The following RBFOX1 variants were observed in gnomAD, a reference collection of about 807,000 sequenced individuals.
RBFOX1 encodes RNA binding protein fox-1 homolog 1.
In RBFOX1, 8 loss-of-function variants were observed where a neutral mutation model predicts 57.7. That is an observed-to-expected ratio of 0.14 (90% confidence interval 0.08 to 0.25). The LOEUF (loss-of-function observed/expected upper bound fraction) is 0.25. RBFOX1 is among the 10% of genes least tolerant of loss of function. The pLI, the probability that RBFOX1 is intolerant of heterozygous loss-of-function variation, is 1.00. For missense variants in RBFOX1, 611 were observed against 548.5 expected (o/e 1.11, Z -1.14); for synonymous variants, 326 against 222.4 (o/e 1.47, Z -4.15).
At chr16:7,244,265 A>C (rs1019927375) in intron 4 of RBFOX1, among the ~76,000 whole-genome samples, 1 of 151,318 alleles carries the variant, frequency 6.6e-6, no homozygotes, top group African/African-American at 2.4e-5. Context: ...AAAAAAAAAA[A>C]AAAAAACACC....
At chr16:6,732,612 C>T (rs139578722) in intron 3 of RBFOX1, among the ~76,000 whole-genome samples, 1,650 of 152,314 alleles carry the variant, frequency 0.011, 28 homozygotes, top group Middle Eastern at 0.034. Flanking sequence ...AAGGCAGGGA[C>T]CCTCTGTGTT....
intron 2 of RBFOX1, among the ~76,000 whole-genome samples, chr16:5,553,782 T>TG (rs2045565613): frequency 6.6e-6 from 1 of 151,802 alleles, no homozygotes; most frequent in Admixed American, 6.6e-5. Context: ...CATACCACAA[T>TG]ATTGAAAAAA....
At chr16:6,804,763 A>G (rs563135502) in intron 3 of RBFOX1, among the ~76,000 whole-genome samples, 1 of 152,262 alleles carries the variant, frequency 6.6e-6, no homozygotes, top group East Asian at 1.9e-4. Flanking sequence ...GACGCAGTGG[A>G]TTGGGGGCCG....
At chr16:6,134,558 A>G (rs1273378672) in intron 1 of RBFOX1, among the ~76,000 whole-genome samples, 1 of 152,148 alleles carries the variant, frequency 6.6e-6, no homozygotes. Flanking sequence ...TACCAAAGAC[A>G]TGACATTAGT....
intron 3 of RBFOX1, among the ~76,000 whole-genome samples, chr16:6,861,823 GTTTT>G (rs35138717): frequency 3.2e-5 from 3 of 92,454 alleles, no homozygotes; most frequent in South Asian, 9.1e-4. Context: ...GCGTCCCTTG[GTTTT>G]TTTTTTTTTT....
At chr16:6,081,228 G>T (rs763146437) in intron 1 of RBFOX1, among the ~76,000 whole-genome samples, 8 of 152,128 alleles carry the variant, frequency 5.3e-5, no homozygotes, top group Non-Finnish European at 8.8e-5. Context: ...GTTTAACAAG[G>T]TGTGTTGGTT....
At chr16:6,827,723 T>C (rs1419828167) in intron 3 of RBFOX1, among the ~76,000 whole-genome samples, 1 of 152,154 alleles carries the variant, frequency 6.6e-6, no homozygotes, top group Non-Finnish European at 1.5e-5. Context: ...TGTTTGCCCA[T>C]GCTGATCCCC....
At chr16:7,503,359 G>C (rs1324296995) in intron 4 of RBFOX1, among the ~76,000 whole-genome samples, 5 of 152,132 alleles carry the variant, frequency 3.3e-5, no homozygotes, top group Non-Finnish European at 7.3e-5. Context: ...TGTCACATTC[G>C]ATCGATCAAT....
intron 1 of RBFOX1, among the ~76,000 whole-genome samples, chr16:6,224,028 T>TTCTGAGGGC (rs1385219894): frequency 1.3e-5 from 2 of 152,118 alleles, no homozygotes; most frequent in African/African-American, 2.4e-5. Context: ...GCGGCGTTAT[T>TTCTGAGGGC]TCTGAGGGCT....
At chr16:6,355,215 A>T (rs1255704221) in intron 2 of RBFOX1, among the ~76,000 whole-genome samples, 6 of 152,128 alleles carry the variant, frequency 3.9e-5, no homozygotes, top group African/African-American at 1.4e-4. Flanking sequence ...TACGTGTGCC[A>T]TGGTGGTTTG....
chr16:5,290,701 CT>C (rs34357490), intron 1 of RBFOX1, among the ~76,000 whole-genome samples: 91,064 of 145,262 alleles, frequency 0.63, 28,470 homozygotes, highest in African/African-American at 0.67. Flanking sequence ...ATTTAAGGGA[CT>C]TTTTTTTTTT....
intron 2 of RBFOX1, among the ~76,000 whole-genome samples, chr16:5,575,734 C>G (rs990326864): frequency 6.6e-6 from 1 of 152,148 alleles, no homozygotes. Flanking sequence ...TGATGCCTCC[C>G]TGTCCAAATA....
At chr16:7,174,285 G>A (rs1341158833) in intron 4 of RBFOX1, among the ~76,000 whole-genome samples, 1 of 152,034 alleles carries the variant, frequency 6.6e-6, no homozygotes, top group Non-Finnish European at 1.5e-5. Flanking sequence ...TCCATGGTAT[G>A]GATGGACCAC....
At position 6,927,426 on chromosome 16, in the gene RBFOX1, A is replaced by AAAAG. The variant is rs1262457149; in HGVS notation, c.-15-124628_-15-124627insGAAA. 1.4e-4 allele frequency among the ~76,000 whole-genome samples: 21 copies of AAAAG among 150,164 alleles called. 2 individuals are homozygous for AAAAG. The highest frequency in any genetic ancestry group is 5.2e-4 in the African/African-American group (21 of 40,498). ...AGACGCTTTCTCACAAAAAAAAAAA[A>AAAAG]AAAAAAAAAAAAATCCGAACGTCTC... On this transcript the variant is annotated intron_variant, in intron 3 of 15. Coordinates refer to ENST00000550418, the MANE Select transcript of RBFOX1 (RefSeq NM_018723.4).
At chr16:5,294,663 C>T (rs1457616736) in intron 1 of RBFOX1, among the ~76,000 whole-genome samples, 3 of 152,064 alleles carry the variant, frequency 2.0e-5, no homozygotes, top group Admixed American at 6.5e-5. Flanking sequence ...TATGTTTCCC[C>T]TGTATTTGCC....
chr16:5,688,865 TC>T (rs1291428784), intron 3 of RBFOX1, among the ~76,000 whole-genome samples: 11 of 152,212 alleles, frequency 7.2e-5, no homozygotes, highest in Non-Finnish European at 1.5e-4. Flanking sequence ...AGGACTCTCT[TC>T]TACTGCCTCT....
At chr16:6,909,414 C>T (rs189494571) in intron 3 of RBFOX1, among the ~76,000 whole-genome samples, 63 of 152,278 alleles carry the variant, frequency 4.1e-4, no homozygotes, top group African/African-American at 1.3e-3. Flanking sequence ...ATTACATCTG[C>T]CAAGGTTCTT....
intron 2 of RBFOX1, among the ~76,000 whole-genome samples, chr16:6,421,695 A>T (rs888826965): frequency 1.3e-5 from 2 of 152,198 alleles, no homozygotes; most frequent in African/African-American, 4.8e-5. Flanking sequence ...ACAAAAAATG[A>T]TCGGGATAAA....
chr16:6,733,001 A>G (rs2069068654), intron 3 of RBFOX1, among the ~76,000 whole-genome samples: 2 of 152,206 alleles, frequency 1.3e-5, no homozygotes, highest in Admixed American at 1.3e-4. Context: ...CTTTATTGGC[A>G]TTTTTTAAAG....
Sources: allele counts gnomAD v4.1 joint callset (sites outside exome capture counted in the v4.1 genomes callset), GRCh38; gene constraint gnomAD v4.1.1; transcripts MANE v1.5; gene names NCBI Gene and HGNC (gene_info 2026-07-23, HGNC 2026-07-21).